HELZ: variants seen among roughly 807,000 people sequenced by gnomAD.
HELZ encodes the protein helicase with zinc finger.
A neutral mutation model predicts 218.2 loss-of-function variants in HELZ; 23 were observed. The observed-to-expected ratio is 0.11, with a 90% CI of 0.08 to 0.15. The LOEUF (loss-of-function observed/expected upper bound fraction) is 0.15. Among genes scored for constraint, HELZ ranks in the 10% least tolerant of loss-of-function variants. The pLI, the probability that HELZ is intolerant of heterozygous loss-of-function variation, is 1.00. For synonymous variants in HELZ, 814 were observed against 829.4 expected (o/e 0.98, Z 0.32); for missense variants, 1,813 against 2,353.7 (o/e 0.77, Z 4.75).
chr17:67,104,549 A>G (rs546077520), intron 31 of HELZ, among the ~76,000 whole-genome samples: 53 of 152,290 alleles, frequency 3.5e-4, no homozygotes, highest in African/African-American at 1.1e-3. Context: ...CAGCCAAAGA[A>G]AAAAATAGAT....
intron 12 of HELZ, among the ~76,000 whole-genome samples, chr17:67,186,104 C>G (rs541977059): frequency 9.9e-5 from 15 of 151,958 alleles, no homozygotes; most frequent in Admixed American, 7.2e-4. Flanking sequence ...TTTAAGTCCT[C>G]TGCTTGCACC....
chr17:67,133,128 A>G (rs898033411), intron 23 of HELZ, among the ~76,000 whole-genome samples: 1 of 152,216 alleles, frequency 6.6e-6, no homozygotes, highest in African/African-American at 2.4e-5. Context: ...CAACATTGCC[A>G]TGTAACTATG....
rs1356825817 is a variant in HELZ, at chr17:67,076,004, T to C, written c.*2248A>G. On this transcript the variant is annotated 3_prime_UTR_variant, in exon 33 of 33. Coordinates refer to ENST00000358691, the MANE Select transcript of HELZ (RefSeq NM_014877.4). ...CATGACCCTTAACTAAATATAAATA[T>C]AAATAATTTAAAAACTGATATTTTT... 1 of 152,554 alleles carries C rather than the reference T, an allele frequency of 6.6e-6. No individual in the cohort carries two copies. The highest frequency in any genetic ancestry group is 2.4e-5 in the African/African-American group (1 of 41,418). 9.5% of individuals were successfully genotyped at this position (152,554 alleles called of 1,614,324 possible).
chr17:67,210,656 ACT>A (rs2040426212), intron 5 of HELZ, among the ~76,000 whole-genome samples: 1 of 152,114 alleles, frequency 6.6e-6, no homozygotes, highest in African/African-American at 2.4e-5. Context: ...GGGCACAGTG[ACT>A]CACACCTGTA....
At chr17:67,146,268 G>C (rs530417198) in intron 20 of HELZ, among the ~76,000 whole-genome samples, 1 of 152,132 alleles carries the variant, frequency 6.6e-6, no homozygotes, top group Admixed American at 6.5e-5. Flanking sequence ...ACAATAGACA[G>C]TACATATGAT....
chr17:67,229,998 TAGTAG>T (rs1439597744), intron 3 of HELZ, among the ~76,000 whole-genome samples: 1 of 152,234 alleles, frequency 6.6e-6, no homozygotes, highest in African/African-American at 2.4e-5. Flanking sequence ...AAGTGGAATT[TAGTAG>T]AGTATAGAAT....
chr17:67,187,467 A>C (rs1196341011), intron 12 of HELZ, among the ~76,000 whole-genome samples: 1 of 152,232 alleles, frequency 6.6e-6, no homozygotes, highest in Admixed American at 6.5e-5. Context: ...GCATTCGCTA[A>C]TGAGAAAAAC....
chr17:67,087,112 C>A, intron 31 of HELZ, 31 bp from the exon 32 acceptor site: 1 of 1,609,786 alleles, frequency 6.2e-7, no homozygotes, highest in South Asian at 1.1e-5. Flanking sequence ...TTTCATAAAT[C>A]AGTGCACCTT....
intron 23 of HELZ, among the ~76,000 whole-genome samples, chr17:67,130,255 C>T (rs908543004): frequency 7.2e-5 from 11 of 151,870 alleles, no homozygotes; most frequent in Admixed American, 3.9e-4. Flanking sequence ...GTGAGGGGTA[C>T]ACTAAAAGTC....
At chr17:67,160,202 C>T (rs994407204) in intron 17 of HELZ, 59 bp downstream of exon 17, 1 of 1,009,228 alleles carries the variant, frequency 9.9e-7, no homozygotes, top group Admixed American at 1.9e-5. Flanking sequence ...TTTACAGACA[C>T]CTTTTCTTAA....
chr17:67,124,824 T>C (rs750954937), intron 24 of HELZ, among the ~76,000 whole-genome samples: 2 of 152,036 alleles, frequency 1.3e-5, no homozygotes, highest in Non-Finnish European at 2.9e-5. Flanking sequence ...ATGATGACAT[T>C]TGGGCAGAAA....
chr17:67,105,819 C>T (rs774942343), intron 31 of HELZ, among the ~76,000 whole-genome samples: 2 of 152,098 alleles, frequency 1.3e-5, no homozygotes, highest in Admixed American at 6.5e-5. Context: ...ACTTTAAGAG[C>T]CTAAAATCAC....
At chr17:67,142,812 G>A (rs975753939) in intron 21 of HELZ, among the ~76,000 whole-genome samples, 2 of 151,824 alleles carry the variant, frequency 1.3e-5, no homozygotes, top group African/African-American at 4.8e-5. Context: ...GCTACAGTGC[G>A]GTGGCACAAT....
At chr17:67,231,221 T>C (rs2041027554) in intron 3 of HELZ, among the ~76,000 whole-genome samples, 1 of 152,160 alleles carries the variant, frequency 6.6e-6, no homozygotes, top group Non-Finnish European at 1.5e-5. Context: ...GGATTCTGGA[T>C]AGATTCTGGA....
chr17:67,166,380 G>A, intron 15 of HELZ, 98 bp downstream of exon 15: 1 of 1,056,472 alleles, frequency 9.5e-7, no homozygotes, highest in Non-Finnish European at 1.4e-6. Context: ...GAAAAGCAAA[G>A]GCAAACTTTC....
In HELZ at chr17:67,075,446, TAC is replaced by T. The variant is rs1367099017; in HGVS notation, c.*2804_*2805del. The T allele has an allele frequency of 6.6e-6, 1 of 152,178 alleles. No homozygotes were observed. The highest frequency in any genetic ancestry group is 2.4e-5 in the African/African-American group (1 of 41,452). 9.4% of individuals were successfully genotyped at this position (152,178 alleles called of 1,614,324 possible). A position where few individuals can be genotyped will look rare whatever the true frequency, so the allele number is the denominator to read the frequency against. On this transcript the variant is annotated 3_prime_UTR_variant, in exon 33 of 33. Coordinates refer to ENST00000358691, the MANE Select transcript of HELZ (RefSeq NM_014877.4). ...AAAAAAATTTTATATACATATACTA[TAC>T]ATATATATGCATATATAAGGGTTGA...
chr17:67,118,454 A>AT (rs1049105828), intron 27 of HELZ, among the ~76,000 whole-genome samples: 7 of 151,898 alleles, frequency 4.6e-5, no homozygotes, highest in East Asian at 1.9e-4. Flanking sequence ...GGTTAGATAT[A>AT]TTTTTTTTAA....
At chr17:67,210,982 AAGT>A (rs1256413161) in intron 5 of HELZ, among the ~76,000 whole-genome samples, 1 of 152,188 alleles carries the variant, frequency 6.6e-6, no homozygotes, top group East Asian at 1.9e-4. Context: ...TATTTCATCA[AAGT>A]TTTTGTGTTA....
intron 20 of HELZ, among the ~76,000 whole-genome samples, chr17:67,147,303 TATAG>T (rs1034773663): frequency 1.3e-5 from 2 of 152,194 alleles, no homozygotes; most frequent in Non-Finnish European, 2.9e-5. Flanking sequence ...GACATAGATA[TATAG>T]ATAGATATAT....
Sources: gnomAD v4.1 joint callset for allele counts (sites outside exome capture counted in the v4.1 genomes callset) on GRCh38, gnomAD v4.1.1 for gene constraint, MANE v1.5 for transcripts, NCBI Gene and HGNC (gene_info 2026-07-23, HGNC 2026-07-21) for gene names.